RWDD1: variants seen among roughly 807,000 people sequenced by gnomAD.
The protein encoded by RWDD1 is RWD domain containing 1.
A neutral mutation model predicts 31.6 loss-of-function variants in RWDD1; 17 were observed. That is an observed-to-expected ratio of 0.54 (90% CI 0.37 to 0.81). The LOEUF is 0.81. RWDD1 is among the 30% of genes least tolerant of loss of function. The pLI, the probability that RWDD1 is intolerant of heterozygous loss-of-function variation, is 0.00. For missense variants in RWDD1, 204 were observed against 274.5 expected (o/e 0.74, Z 1.82); for synonymous variants, 78 against 94.2 (o/e 0.83, Z 0.99).
chr6:116,580,245 C>T (rs758653653), intron 1 of RWDD1, 50 bp from the exon 2 acceptor site: 2 of 1,369,766 alleles, frequency 1.5e-6, no homozygotes, highest in East Asian at 4.8e-5. Context: ...TAAGGAAAAG[C>T]ATCTGCCTTA....
At chr6:116,574,657 T>C (rs1011806656) in intron 1 of RWDD1, among the ~76,000 whole-genome samples, 2 of 148,844 alleles carry the variant, frequency 1.3e-5, no homozygotes, top group Non-Finnish European at 3.0e-5. Context: ...ACTTTCTTTC[T>C]TTCTTTCTTT....
chr6:116,587,734 G>A (rs1421729228), intron 3 of RWDD1, among the ~76,000 whole-genome samples: 5 of 151,906 alleles, frequency 3.3e-5, no homozygotes, highest in Non-Finnish European at 7.4e-5. Flanking sequence ...GGAGGTTGAT[G>A]TTAGGTTTTA....
intron 1 of RWDD1, 177 bp from the exon 2 acceptor site, chr6:116,580,118 T>A: frequency 2.6e-6 from 1 of 380,162 alleles, no homozygotes; most frequent in East Asian, 3.8e-5. Flanking sequence ...ACCCTCCATT[T>A]AAATAGAAAG....
In RWDD1 at chr6:116,595,935, G is replaced by A. The variant is rs1775233698; in HGVS notation, c.*2834G>A. ...CCCAGTTGGGGTAAAACTAAGAGGA[G>A]TGATAATAACATCTCATCAATTTAA... On this transcript the variant is annotated 3_prime_UTR_variant, in exon 7 of 7. Transcript: ENST00000466444. The A allele has an allele frequency of 6.6e-6, 1 of 152,162 alleles. No individual in the cohort carries two copies. The highest frequency in any genetic ancestry group is 1.5e-5 in the Non-Finnish European group (1 of 68,034). 9.4% of individuals were successfully genotyped at this position (152,162 alleles called of 1,614,324 possible). A position where few individuals can be genotyped will look rare whatever the true frequency, so the allele number is the denominator to read the frequency against.
At chr6:116,574,660 CTTTCT>C (rs1307216399) in intron 1 of RWDD1, among the ~76,000 whole-genome samples, 8 of 148,942 alleles carry the variant, frequency 5.4e-5, no homozygotes, top group African/African-American at 1.0e-4. Context: ...TTCTTTCTTT[CTTTCT>C]TTCTCTCTCT....
At chr6:116,576,844 G>T (rs1774855346) in intron 1 of RWDD1, among the ~76,000 whole-genome samples, 1 of 152,176 alleles carries the variant, frequency 6.6e-6, no homozygotes, top group Non-Finnish European at 1.5e-5. Context: ...CAAGTGATTT[G>T]GGTATTGCTA....
At chr6:116,571,785 C>T in intron 1 of RWDD1, 130 bp downstream of exon 1, 2 of 635,000 alleles carry the variant, frequency 3.1e-6, no homozygotes, top group Non-Finnish European at 5.2e-6. Flanking sequence ...ACCTTGCCCT[C>T]CACTCCTCAA....
At chr6:116,590,590 A>G (rs956954633) in intron 5 of RWDD1, among the ~76,000 whole-genome samples, 186 bp downstream of exon 5, 1 of 152,200 alleles carries the variant, frequency 6.6e-6, no homozygotes, top group African/African-American at 2.4e-5. Flanking sequence ...TTTATGGCTT[A>G]TCTTTGATAT....
intron 3 of RWDD1, among the ~76,000 whole-genome samples, chr6:116,588,169 C>T (rs948879096): frequency 6.6e-6 from 1 of 152,102 alleles, no homozygotes; most frequent in Non-Finnish European, 1.5e-5. Context: ...ATAGAGGTCC[C>T]AGGAGATGCA....
intron 6 of RWDD1, among the ~76,000 whole-genome samples, chr6:116,592,545 G>T (rs1230504202): frequency 6.6e-6 from 1 of 152,034 alleles, no homozygotes; most frequent in Admixed American, 6.5e-5. Context: ...AGGGGAACTG[G>T]GTGAGAATGA....
rs1043849734 is a variant in RWDD1 at position 116,597,048 on chromosome 6, G to A, written c.*3947G>A. 2.0e-5 allele frequency: 3 copies of A among 152,112 alleles called. No homozygotes were observed. The highest frequency in any genetic ancestry group is 7.2e-5 in the African/African-American group (3 of 41,416). 9.4% of individuals were successfully genotyped at this position (152,112 alleles called of 1,614,324 possible). On this transcript the variant is annotated 3_prime_UTR_variant, in exon 7 of 7. Coordinates refer to ENST00000466444, the MANE Select transcript of RWDD1 (RefSeq NM_015952.4). ...CGGTACTGAACCATCAATGCTAAAT[G>A]GTATTTAGTTGTGGATCTTCATCCT...
At chr6:116,584,061 C>T (rs1774994757) in intron 2 of RWDD1, among the ~76,000 whole-genome samples, 1 of 152,186 alleles carries the variant, frequency 6.6e-6, no homozygotes, top group Non-Finnish European at 1.5e-5. Context: ...TGCTTAGTTG[C>T]AGACTGCCTG....
At chr6:116,574,677 TCTC>T (rs1562375129) in intron 1 of RWDD1, among the ~76,000 whole-genome samples, 1 of 151,624 alleles carries the variant, frequency 6.6e-6, no homozygotes, top group Non-Finnish European at 1.5e-5. Flanking sequence ...TCTCTCTCTC[TCTC>T]TTCCTTCCTT....
intron 1 of RWDD1, among the ~76,000 whole-genome samples, chr6:116,577,581 T>G (rs954098072): frequency 6.6e-6 from 1 of 150,798 alleles, no homozygotes; most frequent in African/African-American, 2.4e-5. Context: ...TTGTTACTAC[T>G]CATTTTTGTT....
intron 1 of RWDD1, among the ~76,000 whole-genome samples, chr6:116,577,677 G>T (rs544312698): frequency 6.6e-6 from 1 of 151,946 alleles, no homozygotes; most frequent in Admixed American, 6.6e-5. Flanking sequence ...TGCCGACCTA[G>T]TTCAGGACCT....
intron 1 of RWDD1, chr6:116,573,098 C>G: frequency 1.4e-6 from 1 of 710,448 alleles, no homozygotes; most frequent in Non-Finnish European, 1.7e-6. Context: ...TGGTCATTTC[C>G]AGTACTTTGG....
chr6:116,594,776 C>T lies in RWDD1; in HGVS notation c.*1675C>T, dbSNP rs924019449. On this transcript the variant is annotated 3_prime_UTR_variant, in exon 7 of 7. Coordinates refer to ENST00000466444, the MANE Select transcript of RWDD1 (RefSeq NM_015952.4). ...CTGACTCTTAACCCCAATAGGAAAT[C>T]AGTTGTGCTATTTTAAATTCATAAA... The T allele has an allele frequency of 3.3e-5, 5 of 152,166 alleles. No homozygotes were observed. The highest frequency in any genetic ancestry group is 9.7e-5 in the African/African-American group (4 of 41,434). The allele number at this position is 152,166 out of a possible 1,614,324, so 9.4% of individuals were successfully genotyped here. A position where few individuals can be genotyped will look rare whatever the true frequency, so the allele number is the denominator to read the frequency against.
chr6:116,584,923 T>G (rs1327242908), intron 3 of RWDD1, 66 bp downstream of exon 3: 1 of 1,278,722 alleles, frequency 7.8e-7, no homozygotes, highest in Non-Finnish European at 1.1e-6. Context: ...CATATTAATT[T>G]CAAGAGTTAG....
chr6:116,577,699 C>T lies in RWDD1; in HGVS notation c.74-2596C>T, dbSNP rs188411843. On this transcript the variant is annotated intron_variant, in intron 1 of 6. Transcript: ENST00000466444. ...CTAGTTCAGGACCTTATTACCTTTG[C>T]CTGGATGATTGCAATAGTGACCTAG... 3.9e-3 allele frequency among the ~76,000 whole-genome samples: 590 copies of T among 152,116 alleles called. 11 individuals carry two copies. Among genetic ancestry groups the T allele is most frequent in the Non-Finnish European group, 2.0e-3 (138 of 68,014 alleles).
Sources: gnomAD v4.1 joint callset for allele counts (sites outside exome capture counted in the v4.1 genomes callset) on GRCh38, gnomAD v4.1.1 for gene constraint, MANE v1.5 for transcripts, NCBI Gene and HGNC (gene_info 2026-07-23, HGNC 2026-07-21) for gene names.